LRRTM3: variants seen among roughly 807,000 people sequenced by gnomAD.
LRRTM3 encodes leucine rich repeat transmembrane neuronal 3, also known as leucine-rich repeat transmembrane neuronal protein 3.
LRRTM3 carries 24 observed loss-of-function variants against 44.7 expected under a neutral mutation model. That is an observed-to-expected ratio of 0.54 (90% CI 0.39 to 0.76). The LOEUF is 0.76. Ranked by LOEUF, LRRTM3 falls within the 30% of genes least tolerant of loss-of-function variation. LRRTM3 has a pLI of 0.00. For missense variants in LRRTM3, 587 were observed against 702.2 expected (o/e 0.84, Z 1.85); for synonymous variants, 277 against 278.7 (o/e 0.99, Z 0.06).
intron 2 of LRRTM3, among the ~76,000 whole-genome samples, chr10:67,083,833 C>T (rs529367335): frequency 2.7e-4 from 41 of 152,072 alleles, no homozygotes; most frequent in Non-Finnish European, 5.4e-4. Flanking sequence ...GTCTGATTTA[C>T]TTGCAAAAGC....
chr10:66,987,061 T>C (rs1234126267), intron 2 of LRRTM3, among the ~76,000 whole-genome samples: 1 of 152,080 alleles, frequency 6.6e-6, no homozygotes, highest in African/African-American at 2.4e-5. Flanking sequence ...AGAGAAAGAA[T>C]AGCAAGTGCA....
chr10:67,017,247 A>T (rs1852714955), intron 2 of LRRTM3, among the ~76,000 whole-genome samples: 1 of 152,226 alleles, frequency 6.6e-6, no homozygotes, highest in African/African-American at 2.4e-5. Context: ...TAAAAACATT[A>T]CTGAAATTGC....
intron 2 of LRRTM3, among the ~76,000 whole-genome samples, chr10:67,057,802 T>A (rs1285443709): frequency 6.6e-6 from 1 of 152,132 alleles, no homozygotes; most frequent in Non-Finnish European, 1.5e-5. Flanking sequence ...TTTCACACTG[T>A]CTCAGTCTCT....
chr10:67,096,612 T>C (rs1858009245), intron 2 of LRRTM3, among the ~76,000 whole-genome samples: 1 of 151,890 alleles, frequency 6.6e-6, no homozygotes, highest in African/African-American at 2.4e-5. Context: ...TAGGACAAGT[T>C]TTTATCTTAT....
intron 2 of LRRTM3, among the ~76,000 whole-genome samples, chr10:67,046,392 C>A (rs1297139582): frequency 6.6e-6 from 1 of 152,170 alleles, no homozygotes; most frequent in Non-Finnish European, 1.5e-5. Context: ...GTTATCTCTA[C>A]CAGAGTAACT....
intron 2 of LRRTM3, among the ~76,000 whole-genome samples, chr10:67,079,839 C>A (rs1369253985): frequency 6.7e-6 from 1 of 150,002 alleles, no homozygotes; most frequent in African/African-American, 2.5e-5. Context: ...CACAGCGAGA[C>A]TCCATCTCAA....
At chr10:66,928,765 TTC>T (rs1383978600) in intron 2 of LRRTM3, among the ~76,000 whole-genome samples, 2 of 152,248 alleles carry the variant, frequency 1.3e-5, no homozygotes, top group African/African-American at 4.8e-5. Context: ...AAGATAAAAC[TTC>T]TTTCATAAGT....
intron 2 of LRRTM3, among the ~76,000 whole-genome samples, chr10:66,945,292 A>G (rs1412470590): frequency 6.6e-5 from 10 of 152,174 alleles, no homozygotes; most frequent in African/African-American, 2.4e-4. Context: ...CTTTTACATC[A>G]TCACTTCCAC....
chr10:67,001,784 A>C (rs1032762494), intron 2 of LRRTM3, among the ~76,000 whole-genome samples: 1 of 152,168 alleles, frequency 6.6e-6, no homozygotes, highest in Non-Finnish European at 1.5e-5. Context: ...GCATGTAATA[A>C]AAAAGGGTGC....
intron 2 of LRRTM3, among the ~76,000 whole-genome samples, chr10:66,989,079 C>G (rs1187423636): frequency 6.6e-6 from 1 of 151,268 alleles, no homozygotes; most frequent in Non-Finnish European, 1.5e-5. Context: ...TTTTTTATTT[C>G]CTGTATTTCC....
At chr10:66,951,960 T>A (rs1048841895) in intron 2 of LRRTM3, among the ~76,000 whole-genome samples, 2 of 152,190 alleles carry the variant, frequency 1.3e-5, no homozygotes, top group Non-Finnish European at 2.9e-5. Flanking sequence ...ACTCTTTAGA[T>A]AAACAGAGCA....
intron 2 of LRRTM3, among the ~76,000 whole-genome samples, chr10:66,941,474 G>A (rs1163075662): frequency 1.3e-5 from 2 of 152,116 alleles, no homozygotes; most frequent in Non-Finnish European, 2.9e-5. Flanking sequence ...TAAGGTTAGA[G>A]TCCACTTTGA....
At chr10:67,051,515 A>G (rs1417622896) in intron 2 of LRRTM3, among the ~76,000 whole-genome samples, 3 of 146,378 alleles carry the variant, frequency 2.0e-5, no homozygotes, top group Non-Finnish European at 4.5e-5. Flanking sequence ...GCTGGAGTGC[A>G]GTGGTGCAAT....
intron 2 of LRRTM3, among the ~76,000 whole-genome samples, chr10:67,050,398 G>C (rs1855011220): frequency 6.6e-6 from 1 of 151,906 alleles, no homozygotes; most frequent in South Asian, 2.1e-4. Context: ...GATGTAATTT[G>C]AAAATATAAG....
intron 2 of LRRTM3, among the ~76,000 whole-genome samples, chr10:67,094,842 T>C (rs1347688308): frequency 6.6e-6 from 1 of 151,720 alleles, no homozygotes; most frequent in Non-Finnish European, 1.5e-5. Flanking sequence ...TGTGCATACA[T>C]ATACCATATC....
chr10:67,069,902 T>C (rs1350581574), intron 2 of LRRTM3, among the ~76,000 whole-genome samples: 1 of 152,200 alleles, frequency 6.6e-6, no homozygotes, highest in Non-Finnish European at 1.5e-5. Flanking sequence ...GGTTAACATG[T>C]GTACATATTT....
intron 2 of LRRTM3, among the ~76,000 whole-genome samples, chr10:67,060,749 G>T (rs1384276978): frequency 6.6e-6 from 1 of 152,152 alleles, no homozygotes; most frequent in African/African-American, 2.4e-5. Flanking sequence ...AAACTGTGGT[G>T]CCTCTGTCAG....
intron 2 of LRRTM3, among the ~76,000 whole-genome samples, chr10:66,978,430 G>A (rs906546246): frequency 6.7e-6 from 1 of 149,116 alleles, no homozygotes; most frequent in African/African-American, 2.5e-5. Context: ...AGGAGGCTGA[G>A]GCAGGAGAAT....
chr10:67,052,041 C>A (rs769932289), intron 2 of LRRTM3, among the ~76,000 whole-genome samples: 64 of 152,170 alleles, frequency 4.2e-4, no homozygotes, highest in Non-Finnish European at 8.1e-4. Flanking sequence ...AGGCGTGAGC[C>A]ACCACGCCTG....
Sources: gnomAD v4.1 joint callset for allele counts (sites outside exome capture counted in the v4.1 genomes callset) on GRCh38, gnomAD v4.1.1 for gene constraint, MANE v1.5 for transcripts, NCBI Gene and HGNC (gene_info 2026-07-23, HGNC 2026-07-21) for gene names.